The following STON1 variants were observed in gnomAD, a reference collection of about 807,000 sequenced individuals.
STON1 encodes stonin 1.
In STON1, 79 loss-of-function variants were observed where a neutral mutation model predicts 60.9. The ratio of observed to expected loss-of-function variants is 1.30; its 90% confidence interval spans 1.08 to 1.56. The LOEUF is 1.56. Ranked by LOEUF, STON1 falls within the 40% of genes most tolerant of loss-of-function variation. The probability of loss-of-function intolerance (pLI) is 0.00; values close to 1 mark genes in which losing one functional copy is unlikely to be tolerated. For missense variants in STON1, 1,166 were observed against 858.9 expected (o/e 1.36, Z -4.47); for synonymous variants, 363 against 306.9 (o/e 1.18, Z -1.91).
intron 1 of STON1, among the ~76,000 whole-genome samples, chr2:48,567,424 T>C (rs1005324070): frequency 1.3e-5 from 2 of 152,252 alleles, no homozygotes; most frequent in African/African-American, 4.8e-5. Context: ...TATATTTATT[T>C]TTTTTGAGAT....
At chr2:48,566,698 G>A (rs999509635) in intron 1 of STON1, among the ~76,000 whole-genome samples, 3 of 152,162 alleles carry the variant, frequency 2.0e-5, no homozygotes, top group African/African-American at 7.2e-5. Flanking sequence ...TTGCAAACTG[G>A]CATTTATCAA....
chr2:48,540,127 C>T (rs1671597611), intron 1 of STON1, among the ~76,000 whole-genome samples: 1 of 152,136 alleles, frequency 6.6e-6, no homozygotes, highest in African/African-American at 2.4e-5. Flanking sequence ...CCCTCTGTTT[C>T]TGGTACCTGG....
At chr2:48,533,035 C>T (rs1415223258) in intron 1 of STON1, among the ~76,000 whole-genome samples, 1 of 152,052 alleles carries the variant, frequency 6.6e-6, no homozygotes, top group Non-Finnish European at 1.5e-5. Flanking sequence ...CAGAGGATCA[C>T]TTGAGGCTAG....
At chr2:48,530,609 G>T (rs1671170257) in intron 1 of STON1, 1 of 153,184 alleles carries the variant, frequency 6.5e-6, no homozygotes, top group South Asian at 2.1e-4. Flanking sequence ...CGCCCCTCAC[G>T]CCTCCCTCGG....
intron 1 of STON1, among the ~76,000 whole-genome samples, chr2:48,546,733 G>T (rs1449207441): frequency 6.6e-6 from 1 of 152,206 alleles, no homozygotes; most frequent in Non-Finnish European, 1.5e-5. Context: ...ATGCATGGAA[G>T]AATTATTATT....
rs1435984545 is a variant in STON1 at position 48,582,285 on chromosome 2, C to T, written c.1652C>T (p.Ser551Leu). 1 of 1,614,214 alleles carries T rather than the reference C, an allele frequency of 6.2e-7. No homozygotes were observed. Among genetic ancestry groups the T allele is most frequent in the Non-Finnish European group, 8.5e-7 (1 of 1,180,038 alleles). ...VELQAFVNMA[S>L]LAQRSSYAGS... is the part of the protein sequence containing the mutation. The stretch of plus-strand genomic sequence containing the variant: ...CTTCAGGCTTTTGTCAACATGGCCT[C>T]ATTGGCGCAGAGGTCATCCTATGCT... The change falls in exon 2 of 4, where the codon TCA (serine) becomes TTA (leucine). Residue 551 changes from serine to leucine, a missense_variant. Ser to Leu is a moderately radical substitution (Grantham distance 145, BLOSUM62 -2). Coordinates refer to ENST00000404752, the MANE Select transcript of STON1 (RefSeq NM_006873.4).
chr2:48,589,606 A>G (rs919073868), intron 2 of STON1, among the ~76,000 whole-genome samples: 3 of 152,248 alleles, frequency 2.0e-5, no homozygotes, highest in African/African-American at 7.2e-5. Flanking sequence ...AAAGGCTTTT[A>G]CCATTTTTAA....
intron 1 of STON1, among the ~76,000 whole-genome samples, chr2:48,569,751 A>G (rs946256498): frequency 6.6e-6 from 1 of 152,214 alleles, no homozygotes; most frequent in African/African-American, 2.4e-5. Flanking sequence ...AGTAATTTGC[A>G]ATATTGTTAC....
At chr2:48,560,489 C>T (rs1304637241) in intron 1 of STON1, among the ~76,000 whole-genome samples, 1 of 152,234 alleles carries the variant, frequency 6.6e-6, no homozygotes, top group Non-Finnish European at 1.5e-5. Flanking sequence ...TGCCAGCAGG[C>T]AGCCCTGAAA....
chr2:48,534,757 C>T (rs959478093), intron 1 of STON1, among the ~76,000 whole-genome samples: 9 of 152,032 alleles, frequency 5.9e-5, no homozygotes, highest in African/African-American at 9.7e-5. Context: ...ACTCCAGCCT[C>T]GGCAACAGAG....
At chr2:48,565,045 CTTTTTT>C (rs35791710) in intron 1 of STON1, among the ~76,000 whole-genome samples, 215 of 86,504 alleles carry the variant, frequency 2.5e-3, no homozygotes, top group African/African-American at 9.2e-3. Flanking sequence ...CCGGCTTCTT[CTTTTTT>C]TTTTTTTTTT....
rs138147377 is a variant in STON1 at position 48,547,178 on chromosome 2, C to T, written c.-48+16962C>T. ...TGTTACTCCAAATGAATCAGTTGATCTCTCTGGACTCTTATTTCCTCATCT... is the reference window on the plus strand; with the variant it reads ...TGTTACTCCAAATGAATCAGTTGATTTCTCTGGACTCTTATTTCCTCATCT... On this transcript the variant is annotated intron_variant, in intron 1 of 3. Coordinates refer to ENST00000404752, the MANE Select transcript of STON1 (RefSeq NM_006873.4). 1.6e-4 allele frequency among the ~76,000 whole-genome samples: 24 copies of T among 152,346 alleles called. 1 individual carries two copies. In the East Asian group the frequency reaches 4.4e-3, roughly 28 times the overall value.
At chr2:48,543,435 A>G (rs750220894) in intron 1 of STON1, among the ~76,000 whole-genome samples, 2 of 151,856 alleles carry the variant, frequency 1.3e-5, no homozygotes, top group African/African-American at 2.4e-5. Context: ...CTTAAGAACC[A>G]TGTCCCTCTT....
Position 48,581,199 on chromosome 2 carries a change from A to G in STON1, c.566A>G (p.Asp189Gly). The change falls in exon 2 of 4, where the codon GAT becomes GGT. Residue 189 changes from aspartate to glycine, a missense_variant. By Grantham distance (94) the Asp-to-Gly change is moderately conservative. Coordinates refer to ENST00000404752, the MANE Select transcript of STON1 (RefSeq NM_006873.4). ...GCTTTTTCAAGTCCATTTTGGAAAG[A>G]TGAAGGCAGTGATTCCCATTTCACC... Reference protein sequence around the residue: ...DCAFSSPFWKDEGSDSHFTLD... With the variant: ...DCAFSSPFWKGEGSDSHFTLD... 2 of 1,528,190 alleles carry G rather than the reference A, an allele frequency of 1.3e-6. No individual in the cohort carries two copies. Among genetic ancestry groups the G allele is most frequent in the African/African-American group, 1.4e-5 (1 of 72,106 alleles). 94.7% of individuals were successfully genotyped at this position (1,528,190 alleles called of 1,614,324 possible).
intron 1 of STON1, among the ~76,000 whole-genome samples, chr2:48,558,077 G>C (rs1378915160): frequency 6.6e-6 from 1 of 152,162 alleles, no homozygotes; most frequent in Non-Finnish European, 1.5e-5. Flanking sequence ...ACAAAAATTA[G>C]CTGGGCTTGG....
At chr2:48,566,327 C>T (rs945442918) in intron 1 of STON1, among the ~76,000 whole-genome samples, 3 of 152,200 alleles carry the variant, frequency 2.0e-5, no homozygotes, top group African/African-American at 7.2e-5. Context: ...AGGTGCCCAC[C>T]ACCACGCCCG....
At chr2:48,593,168 T>G (rs1383043784) in intron 3 of STON1, among the ~76,000 whole-genome samples, 1 of 152,108 alleles carries the variant, frequency 6.6e-6, no homozygotes, top group Non-Finnish European at 1.5e-5. Context: ...CAGGTTGGAG[T>G]GCAGTGGCAT....
At chr2:48,593,202 G>A (rs1186663610) in intron 3 of STON1, among the ~76,000 whole-genome samples, 5 of 151,374 alleles carry the variant, frequency 3.3e-5, no homozygotes, top group East Asian at 3.9e-4. Flanking sequence ...TGCAACCTCC[G>A]CTTCCTAGGT....
intron 2 of STON1, among the ~76,000 whole-genome samples, chr2:48,585,888 C>A (rs1674182137): frequency 6.6e-6 from 1 of 152,200 alleles, no homozygotes; most frequent in Admixed American, 6.5e-5. Context: ...ACAAAAGGTC[C>A]AAAGCAGTTT....
Sources: allele counts gnomAD v4.1 joint callset (sites outside exome capture counted in the v4.1 genomes callset), GRCh38; gene constraint gnomAD v4.1.1; transcripts MANE v1.5; gene names NCBI Gene and HGNC (gene_info 2026-07-23, HGNC 2026-07-21).